FAM174B: variants seen among roughly 807,000 people sequenced by gnomAD.
The protein encoded by FAM174B is family with sequence similarity 174 member B, also known as membrane protein FAM174B.
FAM174B carries 12 observed loss-of-function variants against 10.9 expected under a neutral mutation model. The ratio of observed to expected loss-of-function variants is 1.10; its 90% confidence interval spans 0.71 to 1.79. FAM174B has a LOEUF of 1.79. Among genes scored for constraint, FAM174B ranks in the 40% most tolerant of loss-of-function variants. The pLI is 0.00. For synonymous variants in FAM174B, 132 were observed against 115.8 expected (o/e 1.14, Z -0.90); for missense variants, 266 against 233.3 (o/e 1.14, Z -0.91).
chr15:92,630,287 G>A lies in FAM174B; in HGVS notation c.403C>T (p.Arg135Ter), dbSNP rs200603218. 244 of 1,612,650 alleles carry A rather than the reference G, an allele frequency of 1.5e-4. 2 individuals are homozygous for A. The highest frequency in any genetic ancestry group is 3.3e-4 in the Middle Eastern group (2 of 6,084). Reference sequence around the variant, plus strand: ...TCATTTAGTGGCGCCATTTCCACTCGCTCTGCTGGAGTGGTGATGATATCA... The same window carrying A: ...TCATTTAGTGGCGCCATTTCCACTCACTCTGCTGGAGTGGTGATGATATCA... ...KYDIITTPAE[R>*]VEMAPLNEED... The change falls in exon 2 of 3, where the codon CGA becomes TGA. Residue 135 changes from arginine (R) to a stop codon, truncating the protein, a stop_gained. Transcript: ENST00000327355. LOFTEE classifies it high-confidence loss of function.
intron 2 of FAM174B, among the ~76,000 whole-genome samples, chr15:92,628,655 C>G (rs755228047): frequency 2.0e-5 from 3 of 152,092 alleles, no homozygotes; most frequent in Non-Finnish European, 4.4e-5. Flanking sequence ...ATTTTTCTCC[C>G]ATTCTGTTAT....
intron 2 of FAM174B, 36 bp from the exon 3 acceptor site, chr15:92,619,495 T>C (rs1449457496): frequency 3.7e-6 from 6 of 1,609,070 alleles, no homozygotes; most frequent in Non-Finnish European, 5.1e-6. Context: ...AAGCCCCTTC[T>C]GGCAGAGCCT....
chr15:92,655,739 CG>C lies in FAM174B; in HGVS notation c.-81del. ...TCCGCACCAGCACGGAGGCCTGCAC[CG>C]GGGGATCCTGCGGCGGAGGCGGCTG... On this transcript the variant is annotated 5_prime_UTR_variant, in exon 1 of 3. Transcript: ENST00000327355. 1 of 1,146,438 alleles carries C rather than the reference CG, an allele frequency of 8.7e-7. No homozygotes were observed. The highest frequency in any genetic ancestry group is 3.7e-5 in the East Asian group (1 of 27,314). 71.0% of individuals were successfully genotyped at this position (1,146,438 alleles called of 1,614,324 possible).
At chr15:92,634,286 A>G (rs2050838658) in intron 1 of FAM174B, 1 of 152,238 alleles carries the variant, frequency 6.6e-6, no homozygotes, top group East Asian at 1.9e-4. Context: ...CAGAAAATGC[A>G]AAATTGGATT....
chr15:92,654,320 G>A (rs755104268), intron 1 of FAM174B, among the ~76,000 whole-genome samples: 3 of 152,152 alleles, frequency 2.0e-5, no homozygotes, highest in Non-Finnish European at 2.9e-5. Context: ...CTGTGTGTAC[G>A]CTTGGAAGCA....
intron 2 of FAM174B, among the ~76,000 whole-genome samples, chr15:92,628,029 CG>C (rs1301674334): frequency 6.6e-6 from 1 of 152,150 alleles, no homozygotes; most frequent in Non-Finnish European, 1.5e-5. Flanking sequence ...GTAGTATTTG[CG>C]TGTATCCTAT....
chr15:92,649,118 C>G (rs12909377), intron 1 of FAM174B, among the ~76,000 whole-genome samples: 29,407 of 152,180 alleles, frequency 0.19, 3,134 homozygotes, highest in African/African-American at 0.26. Context: ...TGCCTGGTGT[C>G]TCAAGAAGAA....
At position 92,617,578 on chromosome 15, in the gene FAM174B, G is replaced by A. The variant is rs954868544; in HGVS notation, c.*1878C>T. On this transcript the variant is annotated 3_prime_UTR_variant, in exon 3 of 3. Transcript: ENST00000327355. Reference sequence around the variant, plus strand: ...AGCACCTGGCAGATGGAGCCCGGGTGTTTCTGCGTAAGGCAGAGGAATCCA... The same window carrying A: ...AGCACCTGGCAGATGGAGCCCGGGTATTTCTGCGTAAGGCAGAGGAATCCA... 1.4e-5 allele frequency: 8 copies of A among 575,352 alleles called. No individual in the cohort carries two copies. The highest frequency in any genetic ancestry group is 2.1e-5 in the Non-Finnish European group (7 of 325,912). 35.6% of individuals were successfully genotyped at this position (575,352 alleles called of 1,614,324 possible). A position where few individuals can be genotyped will look rare whatever the true frequency, so the allele number is the denominator to read the frequency against.
chr15:92,630,734 TTATA>T (rs1321559865), intron 1 of FAM174B, among the ~76,000 whole-genome samples: 1 of 118,796 alleles, frequency 8.4e-6, no homozygotes, highest in East Asian at 2.2e-4. Flanking sequence ...TATTATATAA[TTATA>T]TATTTTTTAT....
At chr15:92,648,400 CTAAT>C (rs1268710861) in intron 1 of FAM174B, among the ~76,000 whole-genome samples, 1 of 152,106 alleles carries the variant, frequency 6.6e-6, no homozygotes, top group African/African-American at 2.4e-5. Flanking sequence ...ACAGTGGGTG[CTAAT>C]TAAACACCCT....
intron 1 of FAM174B, among the ~76,000 whole-genome samples, chr15:92,635,069 A>G (rs1475236909): frequency 6.6e-6 from 1 of 151,116 alleles, no homozygotes; most frequent in Non-Finnish European, 1.5e-5. Flanking sequence ...AGCCTCCATA[A>G]TCACATCAGC....
intron 1 of FAM174B, among the ~76,000 whole-genome samples, chr15:92,649,678 G>A (rs148057107): frequency 3.5e-3 from 528 of 152,324 alleles, no homozygotes; most frequent in African/African-American, 0.012. Context: ...AGCAGGCCTT[G>A]AAGCCGAGAT....
chr15:92,637,676 A>AT (rs1317628054), intron 1 of FAM174B, among the ~76,000 whole-genome samples: 4 of 152,186 alleles, frequency 2.6e-5, no homozygotes, highest in African/African-American at 7.2e-5. Flanking sequence ...CAGAGTTGAC[A>AT]TTTTTTGCTT....
At chr15:92,652,332 G>T (rs942156222) in intron 1 of FAM174B, among the ~76,000 whole-genome samples, 2 of 152,196 alleles carry the variant, frequency 1.3e-5, no homozygotes, top group African/African-American at 4.8e-5. Flanking sequence ...AAACAGCACC[G>T]AACTGACCAC....
rs1021288070 is a variant in FAM174B at position 92,617,477 on chromosome 15, C to T, written c.*1979G>A. 4.6e-5 allele frequency: 23 copies of T among 499,550 alleles called. No individual in the cohort carries two copies. Among genetic ancestry groups the T allele is most frequent in the East Asian group, 4.6e-4 (13 of 28,560 alleles). 30.9% of individuals were successfully genotyped at this position (499,550 alleles called of 1,614,324 possible). On this transcript the variant is annotated 3_prime_UTR_variant, in exon 3 of 3. Coordinates refer to ENST00000327355, the MANE Select transcript of FAM174B (RefSeq NM_207446.3). ...TGTGTAAAGGGTTTTTATTGGAGAG[C>T]CTGTGGCGCTGAAGTGCCACCAAGG...
intron 1 of FAM174B, among the ~76,000 whole-genome samples, chr15:92,648,477 C>T (rs565564243): frequency 2.0e-4 from 31 of 152,112 alleles, no homozygotes; most frequent in Non-Finnish European, 2.8e-4. Flanking sequence ...GTTGGGGAGA[C>T]CTCGCTGGAC....
chr15:92,635,169 C>CA (rs2050846736), intron 1 of FAM174B, among the ~76,000 whole-genome samples: 37 of 10,772 alleles, frequency 3.4e-3, no homozygotes, highest in Admixed American at 0.016. Context: ...CCACACACAC[C>CA]CACACACACA....
intron 1 of FAM174B, among the ~76,000 whole-genome samples, chr15:92,651,941 C>A (rs2050969172): frequency 6.6e-6 from 1 of 152,154 alleles, no homozygotes; most frequent in Non-Finnish European, 1.5e-5. Flanking sequence ...TCAGAGAAAA[C>A]AGAGAAATAG....
intron 1 of FAM174B, among the ~76,000 whole-genome samples, chr15:92,644,025 G>A (rs1013305405): frequency 4.6e-5 from 7 of 152,086 alleles, no homozygotes; most frequent in South Asian, 4.2e-4. Flanking sequence ...GACCTGTTTC[G>A]CTTTTACCCT....
Sources: allele counts gnomAD v4.1 joint callset (sites outside exome capture counted in the v4.1 genomes callset), GRCh38; gene constraint gnomAD v4.1.1; transcripts MANE v1.5; gene names NCBI Gene and HGNC (gene_info 2026-07-23, HGNC 2026-07-21).